MACROD2: variants seen among roughly 807,000 people sequenced by gnomAD.
MACROD2 encodes mono-ADP ribosylhydrolase 2.
In MACROD2, 36 loss-of-function variants were observed where a neutral mutation model predicts 70.4. The ratio of observed to expected loss-of-function variants is 0.51; its 90% CI spans 0.39 to 0.68. MACROD2 has a LOEUF of 0.68. Among genes scored for constraint, MACROD2 ranks in the 30% least tolerant of loss-of-function variants. The probability of loss-of-function intolerance (pLI) is 0.00; values close to 1 mark genes in which losing one functional copy is unlikely to be tolerated. For synonymous variants in MACROD2, 172 were observed against 178.8 expected (o/e 0.96, Z 0.30); for missense variants, 496 against 538.4 (o/e 0.92, Z 0.78).
At chr20:15,866,613 C>T (rs916871312) in intron 9 of MACROD2, among the ~76,000 whole-genome samples, 1 of 152,066 alleles carries the variant, frequency 6.6e-6, no homozygotes, top group African/African-American at 2.4e-5. Context: ...ATAATAGGTT[C>T]GTTTTCTCAG....
At chr20:15,546,357 A>G (rs1270011083) in intron 8 of MACROD2, among the ~76,000 whole-genome samples, 1 of 152,178 alleles carries the variant, frequency 6.6e-6, no homozygotes, top group Non-Finnish European at 1.5e-5. Context: ...TCCTCTCAAC[A>G]ACCCCAGCAA....
intron 5 of MACROD2, among the ~76,000 whole-genome samples, chr20:14,870,043 G>T (rs1257042768): frequency 6.6e-6 from 1 of 152,020 alleles, no homozygotes. Flanking sequence ...AGATTATTTT[G>T]TCACCCAGGT....
At chr20:14,333,551 G>A (rs2082881497) in intron 3 of MACROD2, among the ~76,000 whole-genome samples, 1 of 152,084 alleles carries the variant, frequency 6.6e-6, no homozygotes, top group African/African-American at 2.4e-5. Flanking sequence ...TTAAATTTGT[G>A]CTTTTGAGCA....
At chr20:14,209,892 A>G (rs2122129254) in intron 3 of MACROD2, among the ~76,000 whole-genome samples, 1 of 152,330 alleles carries the variant, frequency 6.6e-6, no homozygotes, top group African/African-American at 2.4e-5. Context: ...TGGATGGTCA[A>G]CTAACAATTT....
At chr20:14,175,620 G>A (rs921727962) in intron 3 of MACROD2, among the ~76,000 whole-genome samples, 2 of 152,176 alleles carry the variant, frequency 1.3e-5, no homozygotes, top group Admixed American at 6.5e-5. Flanking sequence ...AAAGACACAG[G>A]GTGCTAGAGT....
chr20:15,658,632 A>G (rs1426354397), intron 8 of MACROD2, among the ~76,000 whole-genome samples: 2 of 152,188 alleles, frequency 1.3e-5, no homozygotes, highest in East Asian at 1.9e-4. Context: ...AGCTTCCTCC[A>G]TCACCGACTG....
At chr20:15,369,272 T>C (rs1325575568) in intron 6 of MACROD2, among the ~76,000 whole-genome samples, 2 of 152,214 alleles carry the variant, frequency 1.3e-5, no homozygotes, top group Admixed American at 6.5e-5. Flanking sequence ...AAAGTAATTA[T>C]CTTTACATGT....
At chr20:14,501,209 A>G (rs1280773470) in intron 4 of MACROD2, among the ~76,000 whole-genome samples, 1 of 152,126 alleles carries the variant, frequency 6.6e-6, no homozygotes, top group Non-Finnish European at 1.5e-5. Flanking sequence ...TAAATGGGCA[A>G]TAAAGAGAAC....
intron 5 of MACROD2, among the ~76,000 whole-genome samples, chr20:15,227,582 C>T (rs1220515266): frequency 6.6e-6 from 1 of 152,266 alleles, no homozygotes; most frequent in South Asian, 2.1e-4. Context: ...AAAGCATAGA[C>T]TTTGTCTTCA....
chr20:14,484,279 A>AT (rs1056488493), intron 3 of MACROD2, among the ~76,000 whole-genome samples: 4 of 151,686 alleles, frequency 2.6e-5, no homozygotes, highest in Admixed American at 6.6e-5. Flanking sequence ...ACTTTGGAGA[A>AT]TTTTTTTTTA....
At chr20:14,431,099 A>G (rs894607238) in intron 3 of MACROD2, among the ~76,000 whole-genome samples, 1 of 152,192 alleles carries the variant, frequency 6.6e-6, no homozygotes, top group African/African-American at 2.4e-5. Context: ...CTGATGACAC[A>G]GAGTATATTG....
At chr20:15,925,587 C>T (rs1473749039) in intron 10 of MACROD2, among the ~76,000 whole-genome samples, 1 of 152,124 alleles carries the variant, frequency 6.6e-6, no homozygotes, top group Admixed American at 6.6e-5. Flanking sequence ...TTGGGTCATA[C>T]CTTCAATGTT....
chr20:14,543,212 G>A (rs898073629), intron 4 of MACROD2, among the ~76,000 whole-genome samples: 2 of 152,286 alleles, frequency 1.3e-5, no homozygotes, highest in Middle Eastern at 3.4e-3. Flanking sequence ...GATGATGTAA[G>A]TGACTAATGG....
chr20:14,430,850 C>T (rs1457507355), intron 3 of MACROD2, among the ~76,000 whole-genome samples: 1 of 152,152 alleles, frequency 6.6e-6, no homozygotes, highest in Non-Finnish European at 1.5e-5. Context: ...TAAGCGCCTT[C>T]ACCTTGCCCT....
chr20:15,627,948 C>G (rs566247019), intron 8 of MACROD2, among the ~76,000 whole-genome samples: 1 of 152,306 alleles, frequency 6.6e-6, no homozygotes, highest in East Asian at 1.9e-4. Flanking sequence ...AATTTTCTCA[C>G]TGTTATAATT....
chr20:15,605,575 A>C (rs1419842694), intron 8 of MACROD2, among the ~76,000 whole-genome samples: 1 of 152,086 alleles, frequency 6.6e-6, no homozygotes, highest in African/African-American at 2.4e-5. Flanking sequence ...AATAAACAAA[A>C]TGAATAAACT....
At chr20:14,836,672 CT>C (rs1411764333) in intron 5 of MACROD2, among the ~76,000 whole-genome samples, 1 of 151,980 alleles carries the variant, frequency 6.6e-6, no homozygotes, top group East Asian at 1.9e-4. Flanking sequence ...TAGATAAATC[CT>C]TCCCCTTGCT....
At chr20:15,898,558 A>G (rs926358104) in intron 10 of MACROD2, among the ~76,000 whole-genome samples, 1 of 151,072 alleles carries the variant, frequency 6.6e-6, no homozygotes, top group African/African-American at 2.4e-5. Context: ...CTAAAAAAAA[A>G]AAAAAAAAAA....
intron 5 of MACROD2, among the ~76,000 whole-genome samples, chr20:15,082,856 TA>T (rs1003835166): frequency 8.6e-5 from 13 of 151,850 alleles, no homozygotes; most frequent in South Asian, 2.1e-4. Context: ...TTTGTGCAAC[TA>T]AAAAAAAGCC....
Sources: gnomAD v4.1 joint callset for allele counts (sites outside exome capture counted in the v4.1 genomes callset) on GRCh38, gnomAD v4.1.1 for gene constraint, MANE v1.5 for transcripts, NCBI Gene and HGNC (gene_info 2026-07-23, HGNC 2026-07-21) for gene names.